Variants in MATN2 observed in about 807,000 individuals in gnomAD.
MATN2 encodes matrilin 2.
Under a neutral mutation model 103.2 loss-of-function variants are expected in MATN2, and 69 were observed. The observed-to-expected ratio is 0.67, with a 90% CI of 0.55 to 0.82. The LOEUF (loss-of-function observed/expected upper bound fraction) is 0.82, where lower values mean the gene tolerates loss of function less well. MATN2 is among the 40% of genes least tolerant of loss of function. The pLI is 0.00. For missense variants in MATN2, 1,023 were observed against 1,211.5 expected (o/e 0.84, Z 2.31); for synonymous variants, 429 against 450.2 (o/e 0.95, Z 0.60).
chr8:97,992,928 CAATAATAAT>C (rs58706549), intron 6 of MATN2, among the ~76,000 whole-genome samples: 150 of 144,590 alleles, frequency 1.0e-3, no homozygotes, highest in Middle Eastern at 3.5e-3. Context: ...TCAAAACAAA[CAATAATAAT>C]AATAATAATA....
chr8:98,027,852 T>C lies in MATN2; in HGVS notation c.2356+23T>C, dbSNP rs76328976. ...ATGGTAATATGGGGTGGAGGTGCGG[T>C]TTACACCACTCAAGGTTCAGGTTTC... On this transcript the variant is annotated intron_variant, in intron 14 of 18. Transcript: ENST00000254898. The C allele has an allele frequency of 8.1e-3, 12,378 of 1,525,568 alleles. 57 individuals are homozygous for C. The highest frequency in any genetic ancestry group is 0.01 in the Non-Finnish European group (11,485 of 1,138,588). The allele number at this position is 1,525,568 out of a possible 1,614,324, so 94.5% of individuals were successfully genotyped here.
chr8:97,938,834 C>T (rs1211967990), intron 3 of MATN2, among the ~76,000 whole-genome samples: 1 of 152,094 alleles, frequency 6.6e-6, no homozygotes, highest in Non-Finnish European at 1.5e-5. Flanking sequence ...CTAATCAATA[C>T]GTAGCCTTGT....
At chr8:97,901,171 G>A (rs1404726072) in intron 2 of MATN2, among the ~76,000 whole-genome samples, 1 of 152,078 alleles carries the variant, frequency 6.6e-6, no homozygotes, top group Non-Finnish European at 1.5e-5. Flanking sequence ...AGCTGAATTT[G>A]TCTCCAAAGT....
chr8:97,878,009 A>G (rs1222676010), intron 1 of MATN2, among the ~76,000 whole-genome samples: 1 of 152,060 alleles, frequency 6.6e-6, no homozygotes, highest in East Asian at 1.9e-4. Context: ...AAAAACAAAA[A>G]CAAAAAAAAA....
Sources: allele counts gnomAD v4.1 joint callset (sites outside exome capture counted in the v4.1 genomes callset), GRCh38; gene constraint gnomAD v4.1.1; transcripts MANE v1.5; gene names NCBI Gene and HGNC (gene_info 2026-07-23, HGNC 2026-07-21).